TM4SF4: variants seen among roughly 807,000 people sequenced by gnomAD.
TM4SF4 encodes the protein transmembrane 4 L six family member 4.
In TM4SF4, 24 loss-of-function variants were observed where a neutral mutation model predicts 24.1. The ratio of observed to expected loss-of-function variants is 1.00; its 90% CI spans 0.72 to 1.40. TM4SF4 has a LOEUF of 1.40. Ranked by LOEUF, TM4SF4 falls within the 40% of genes most tolerant of loss-of-function variation. The pLI is 0.00. For missense variants in TM4SF4, 254 were observed against 254.2 expected (o/e 1.00, Z 0.01); for synonymous variants, 113 against 97.0 (o/e 1.17, Z -0.97).
intron 2 of TM4SF4, among the ~76,000 whole-genome samples, chr3:149,486,444 C>T (rs191348818): frequency 1.3e-5 from 2 of 152,280 alleles, no homozygotes; most frequent in African/African-American, 4.8e-5. Flanking sequence ...CGTTTTCTGC[C>T]TCTTCTTCCA....
chr3:149,491,607 T>A (rs755186300), intron 3 of TM4SF4, among the ~76,000 whole-genome samples: 1 of 152,122 alleles, frequency 6.6e-6, no homozygotes, highest in East Asian at 1.9e-4. Flanking sequence ...ATGTAGTCAG[T>A]ATCTTATTTT....
Position 149,487,687 on chromosome 3 carries a change from C to A in TM4SF4, c.333C>A (p.Ala111=), listed in dbSNP as rs1462158332. 28 of 1,613,996 alleles carry A rather than the reference C, an allele frequency of 1.7e-5. No individual in the cohort carries two copies. Among genetic ancestry groups the A allele is most frequent in the Non-Finnish European group, 2.4e-5 (28 of 1,179,890 alleles). ...CTGGATACTCGTTTATCATCTCAGC[C>A]ATTTCAATCAACAAGGGTCCTAAAT... The part of the protein sequence containing the change: ...LGAGYSFIIS[A]ISINKGPKCL... Residue 111 remains alanine, a synonymous_variant, in exon 3 of 5, where the codon GCC becomes GCA. Coordinates refer to ENST00000305354, the MANE Select transcript of TM4SF4 (RefSeq NM_004617.4).
chr3:149,499,256 G>A (rs1381180065), intron 4 of TM4SF4, among the ~76,000 whole-genome samples: 2 of 152,210 alleles, frequency 1.3e-5, no homozygotes, highest in African/African-American at 4.8e-5. Context: ...CCTGAAGTGA[G>A]CATTTGTCAT....
chr3:149,484,286 G>A (rs1366852008), intron 2 of TM4SF4, among the ~76,000 whole-genome samples: 1 of 152,144 alleles, frequency 6.6e-6, no homozygotes, highest in East Asian at 1.9e-4. Flanking sequence ...ATAAGACAAA[G>A]ACAATGTCCA....
intron 2 of TM4SF4, among the ~76,000 whole-genome samples, chr3:149,484,227 A>G (rs778430462): frequency 4.6e-5 from 7 of 152,214 alleles, no homozygotes; most frequent in Non-Finnish European, 8.8e-5. Context: ...GTGTCTATGC[A>G]TGATGTTGTC....
At chr3:149,491,779 G>A (rs146248425) in intron 3 of TM4SF4, among the ~76,000 whole-genome samples, 60 of 152,234 alleles carry the variant, frequency 3.9e-4, no homozygotes, top group African/African-American at 1.4e-3. Flanking sequence ...AAGGTGACAT[G>A]GGCTGATTTT....
chr3:149,492,349 C>A (rs1299242843), intron 3 of TM4SF4, among the ~76,000 whole-genome samples: 2 of 152,010 alleles, frequency 1.3e-5, no homozygotes, highest in African/African-American at 4.8e-5. Context: ...AGGGAGGGAG[C>A]AAAAGTAGTT....
chr3:149,479,367 T>C (rs1024747203), intron 2 of TM4SF4, among the ~76,000 whole-genome samples: 22 of 50,800 alleles, frequency 4.3e-4, no homozygotes, highest in African/African-American at 1.4e-3. Flanking sequence ...TTTTCTTTTC[T>C]TTTTTTTTTT....
intron 2 of TM4SF4, among the ~76,000 whole-genome samples, chr3:149,480,670 AT>A (rs1734018703): frequency 6.6e-6 from 1 of 152,062 alleles, no homozygotes; most frequent in Non-Finnish European, 1.5e-5. Context: ...AGCATCCCTA[AT>A]CTACCTCCTC....
chr3:149,476,025 C>A, intron 2 of TM4SF4, 113 bp downstream of exon 2: 1 of 881,570 alleles, frequency 1.1e-6, no homozygotes, highest in Non-Finnish European at 1.8e-6. Context: ...ACTCTGGGAG[C>A]AGCTGGTGAA....
In TM4SF4 at chr3:149,475,126, T is replaced by C. The variant is rs1213744062; in HGVS notation, c.174+75T>C. The C allele has an allele frequency of 2.9e-5, 42 of 1,450,850 alleles. 1 individual carries two copies. In the East Asian group the frequency reaches 9.7e-4, roughly 33 times the overall value. The allele number at this position is 1,450,850 out of a possible 1,614,324, so 89.9% of individuals were successfully genotyped here. ...CAATCCTTTTTAAATCAGGTACTTA[T>C]TGAACAGGGAGATATTTAGTTGGTA... is the stretch of plus-strand genomic sequence containing the variant. On this transcript the variant is annotated intron_variant, in intron 1 of 4. Transcript: ENST00000305354.
intron 2 of TM4SF4, among the ~76,000 whole-genome samples, chr3:149,485,281 C>CA (rs1734096624): frequency 6.6e-6 from 1 of 152,200 alleles, no homozygotes; most frequent in South Asian, 2.1e-4. Flanking sequence ...CAGCAATTCT[C>CA]AAACTTATTC....
chr3:149,485,069 A>C (rs1734093205), intron 2 of TM4SF4, among the ~76,000 whole-genome samples: 1 of 152,220 alleles, frequency 6.6e-6, no homozygotes, highest in Admixed American at 6.5e-5. Context: ...GTTTGAGGAA[A>C]TACATTATTA....
intron 2 of TM4SF4, among the ~76,000 whole-genome samples, chr3:149,477,057 C>A (rs1733945505): frequency 6.6e-6 from 1 of 152,074 alleles, no homozygotes; most frequent in South Asian, 2.1e-4. Context: ...ACCTGAGCCT[C>A]CCAAAGTGCT....
chr3:149,496,869 TAA>T (rs35385088), intron 3 of TM4SF4, among the ~76,000 whole-genome samples: 2 of 142,536 alleles, frequency 1.4e-5, no homozygotes, highest in African/African-American at 2.6e-5. Flanking sequence ...TTATATAGAT[TAA>T]AAAAAAAAAA....
intron 4 of TM4SF4, 73 bp downstream of exon 4, chr3:149,498,984 A>T (rs1294340356): frequency 1.8e-5 from 27 of 1,506,372 alleles, no homozygotes; most frequent in Non-Finnish European, 2.4e-5. Flanking sequence ...AAGGGAGGCC[A>T]GGTCAGGCCA....
At chr3:149,484,550 A>ATTTT (rs890892392) in intron 2 of TM4SF4, among the ~76,000 whole-genome samples, 37 of 122,236 alleles carry the variant, frequency 3.0e-4, no homozygotes, top group Middle Eastern at 3.9e-3. Context: ...CACCCCGCTA[A>ATTTT]TTTTTTTTTT....
In TM4SF4 at chr3:149,499,051, T is replaced by C. The variant is rs1360772119; in HGVS notation, c.591+140T>C. The stretch of plus-strand genomic sequence containing the variant: ...GCCACCTGCAGAAAACCAGCCCAGG[T>C]TGGGAAGCCCAGTCAGCCCTGTCTG... On this transcript the variant is annotated intron_variant, in intron 4 of 4. Transcript: ENST00000305354. 4.9e-6 allele frequency: 4 copies of C among 810,904 alleles called. No individual in the cohort carries two copies. The East Asian group carries it at 1.0e-4, about 21-fold the overall frequency. 50.2% of individuals were successfully genotyped at this position (810,904 alleles called of 1,614,324 possible).
At chr3:149,493,299 T>C (rs994433014) in intron 3 of TM4SF4, among the ~76,000 whole-genome samples, 1 of 152,234 alleles carries the variant, frequency 6.6e-6, no homozygotes, top group Non-Finnish European at 1.5e-5. Context: ...ATTCACATAC[T>C]ATTATAGATG....
Sources: allele counts gnomAD v4.1 joint callset (sites outside exome capture counted in the v4.1 genomes callset), GRCh38; gene constraint gnomAD v4.1.1; transcripts MANE v1.5; gene names NCBI Gene and HGNC (gene_info 2026-07-23, HGNC 2026-07-21).